INTS13: variants seen among roughly 807,000 people sequenced by gnomAD.
INTS13 encodes the protein integrator complex subunit 13.
A neutral mutation model predicts 90.2 loss-of-function variants in INTS13; 35 were observed. That is an observed-to-expected ratio of 0.39 (90% CI 0.30 to 0.51). The LOEUF (loss-of-function observed/expected upper bound fraction) is 0.51, where lower values mean the gene tolerates loss of function less well. Ranked by LOEUF, INTS13 falls within the 20% of genes least tolerant of loss-of-function variation. INTS13 has a pLI of 0.80. For synonymous variants in INTS13, 309 were observed against 277.1 expected, an observed-to-expected ratio of 1.11 and a Z score of -1.14; for missense variants, 601 against 851.2, an observed-to-expected ratio of 0.71 and a Z score of 3.66.
At chr12:26,913,276 CT>C (rs1951840531) in intron 14 of INTS13, among the ~76,000 whole-genome samples, 180 bp downstream of exon 14, 2 of 152,132 alleles carry the variant, frequency 1.3e-5, no homozygotes, top group South Asian at 4.1e-4. Flanking sequence ...AAAATTCATA[CT>C]TTTTTGTGCC....
chr12:26,927,369 T>C (rs1592224165), intron 5 of INTS13, among the ~76,000 whole-genome samples: 1 of 152,212 alleles, frequency 6.6e-6, no homozygotes, highest in Non-Finnish European at 1.5e-5. Context: ...CATAATTGAA[T>C]TGTAGGACAC....
chr12:26,934,865 G>T (rs759956691), intron 2 of INTS13, among the ~76,000 whole-genome samples: 1 of 152,208 alleles, frequency 6.6e-6, no homozygotes, highest in African/African-American at 2.4e-5. Context: ...CAGGGGAGGG[G>T]AGTCTACTAG....
At chr12:26,931,651 T>G (rs1173040028) in intron 3 of INTS13, among the ~76,000 whole-genome samples, 1 of 152,200 alleles carries the variant, frequency 6.6e-6, no homozygotes, top group Non-Finnish European at 1.5e-5. Context: ...TCTATCCAAC[T>G]AAATGATGGC....
intron 5 of INTS13, 151 bp from the exon 6 acceptor site, chr12:26,926,002 G>A: frequency 1.8e-6 from 1 of 562,170 alleles, no homozygotes; most frequent in South Asian, 2.5e-5. Context: ...TAGAAAGGCA[G>A]TATATGTAAT....
At chr12:26,907,606 A>T (rs1366775866) in intron 15 of INTS13, among the ~76,000 whole-genome samples, 1 of 152,236 alleles carries the variant, frequency 6.6e-6, no homozygotes, top group Non-Finnish European at 1.5e-5. Flanking sequence ...CATCAAAATA[A>T]AAAGCTTCTG....
intron 13 of INTS13, 125 bp from the exon 14 acceptor site, chr12:26,913,812 T>C: frequency 8.9e-7 from 1 of 1,119,326 alleles, no homozygotes; most frequent in African/African-American, 1.6e-5. Context: ...AGTGAAATTC[T>C]AGGCTACAAT....
chr12:26,917,647 T>C lies in INTS13; in HGVS notation c.976A>G (p.Ile326Val), dbSNP rs1214160816. 1.2e-5 allele frequency: 20 copies of C among 1,608,840 alleles called. 1 individual carries two copies. Among genetic ancestry groups the C allele is most frequent in the Non-Finnish European group, 1.5e-5 (18 of 1,175,390 alleles). Residue 326 changes from isoleucine to valine, a missense_variant, in exon 9 of 17, where the codon ATT becomes GTT. Transcript: ENST00000261191. ...LKWCTPRTNN[I>V]ELHYCTGAYR... ...TCAGTTATTCTTAAATACCTACCAA[T>C]GTTATTTGTCCTTGGTGTACACCAC...
In INTS13 at chr12:26,917,737, T is replaced by C; in HGVS notation, c.890-4A>G. 1.3e-6 allele frequency: 2 copies of C among 1,586,012 alleles called. No homozygotes were observed. Among genetic ancestry groups the C allele is most frequent in the Non-Finnish European group, 1.7e-6 (2 of 1,160,832 alleles). The stretch of plus-strand genomic sequence containing the variant: ...CCGCCACCTAGATGCGAATCACCTT[T>C]AAAAATATGTCAGAGACATTACACA... On this transcript the variant is annotated splice_polypyrimidine_tract_variant and splice_region_variant and intron_variant, in intron 8 of 16. Transcript: ENST00000261191.
At chr12:26,906,882 T>C (rs1951626675) in intron 15 of INTS13, among the ~76,000 whole-genome samples, 1 of 152,210 alleles carries the variant, frequency 6.6e-6, no homozygotes, top group Non-Finnish European at 1.5e-5. Context: ...TGCACAATAT[T>C]TCTGCCAGTA....
Position 26,936,555 on chromosome 12 carries a change from ATTTT to A in INTS13, c.225+20_225+23del. ...AGTTAAGTACATCCCCAAAATCATG[ATTTT>A]GTTTGTACTTCACACTCACCAGCTT... is the stretch of plus-strand genomic sequence containing the variant. On this transcript the variant is annotated intron_variant, in intron 2 of 16. Coordinates refer to ENST00000261191, the MANE Select transcript of INTS13 (RefSeq NM_018164.3). 6.5e-7 allele frequency: 1 copy of A among 1,528,076 alleles called. No homozygotes were observed. The highest frequency in any genetic ancestry group is 9.1e-7 in the Non-Finnish European group (1 of 1,104,530). 94.7% of individuals were successfully genotyped at this position (1,528,076 alleles called of 1,614,324 possible).
chr12:26,913,713 T>G, intron 13 of INTS13, 26 bp from the exon 14 acceptor site: 1 of 1,548,502 alleles, frequency 6.5e-7, no homozygotes, highest in Non-Finnish European at 8.8e-7. Flanking sequence ...GGAAATACTC[T>G]TTAAATAATA....
At chr12:26,909,186 C>G (rs577704291) in intron 15 of INTS13, among the ~76,000 whole-genome samples, 3 of 152,208 alleles carry the variant, frequency 2.0e-5, no homozygotes, top group South Asian at 2.1e-4. Context: ...CATGGTGAAA[C>G]CCTGTCTCTA....
At chr12:26,919,301 CAG>C (rs983137822) in intron 8 of INTS13, among the ~76,000 whole-genome samples, 5 of 151,880 alleles carry the variant, frequency 3.3e-5, no homozygotes, top group African/African-American at 1.2e-4. Context: ...GTGGCTGAAA[CAG>C]AGAAGATTAG....
At chr12:26,935,219 C>T (rs569949801) in intron 2 of INTS13, among the ~76,000 whole-genome samples, 2 of 152,280 alleles carry the variant, frequency 1.3e-5, no homozygotes, top group East Asian at 3.9e-4. Context: ...ATGGTCTTTA[C>T]GCTAAGTTTT....
chr12:26,927,743 G>C (rs971045222), intron 5 of INTS13, among the ~76,000 whole-genome samples: 1 of 152,110 alleles, frequency 6.6e-6, no homozygotes, highest in Middle Eastern at 3.2e-3. Flanking sequence ...AGCTGCCTGA[G>C]TAGCTGGGAC....
intron 15 of INTS13, among the ~76,000 whole-genome samples, chr12:26,909,472 C>CCTTTT (rs1555203797): frequency 7.9e-6 from 1 of 127,076 alleles, no homozygotes; most frequent in Non-Finnish European, 1.6e-5. Flanking sequence ...AGATAATACT[C>CCTTTT]TTTTTTTTTT....
chr12:26,929,096 G>C (rs752667119), intron 3 of INTS13, 191 bp from the exon 4 acceptor site: 6 of 546,300 alleles, frequency 1.1e-5, no homozygotes, highest in African/African-American at 1.9e-5. Context: ...TTTATTCTAG[G>C]AATGCAAAGT....
At chr12:26,929,803 A>C (rs1183136576) in intron 3 of INTS13, among the ~76,000 whole-genome samples, 1 of 151,534 alleles carries the variant, frequency 6.6e-6, no homozygotes, top group Non-Finnish European at 1.5e-5. Context: ...AAGAAAGAGA[A>C]AGGAAGAAAG....
At chr12:26,922,529 G>A (rs1426718291) in intron 8 of INTS13, 87 bp downstream of exon 8, 1 of 968,726 alleles carries the variant, frequency 1.0e-6, no homozygotes, top group Non-Finnish European at 1.5e-6. Flanking sequence ...GGGGGTCTTG[G>A]AATGTCTTCC....
Sources: gnomAD v4.1 joint callset for allele counts (sites outside exome capture counted in the v4.1 genomes callset) on GRCh38, gnomAD v4.1.1 for gene constraint, MANE v1.5 for transcripts, NCBI Gene and HGNC (gene_info 2026-07-23, HGNC 2026-07-21) for gene names.